The following KMT2C variants were observed in gnomAD, a reference collection of about 807,000 sequenced individuals.
The protein encoded by KMT2C is lysine methyltransferase 2C.
Under a neutral mutation model 507.9 loss-of-function variants are expected in KMT2C, and 88 were observed. That is an observed-to-expected ratio of 0.17 (90% CI 0.15 to 0.21). The LOEUF (loss-of-function observed/expected upper bound fraction) is 0.21, where lower values mean the gene tolerates loss of function less well. KMT2C is among the 10% of genes least tolerant of loss of function. The probability of loss-of-function intolerance (pLI) is 1.00; values close to 1 mark genes in which losing one functional copy is unlikely to be tolerated. For synonymous variants in KMT2C, 2,049 were observed against 2,080.8 expected, an observed-to-expected ratio of 0.98 and a Z score of 0.42; for missense variants, 4,954 against 5,957.8, an observed-to-expected ratio of 0.83 and a Z score of 5.55.
intron 31 of KMT2C, among the ~76,000 whole-genome samples, chr7:152,188,129 G>C (rs1386371025): frequency 6.6e-6 from 1 of 152,130 alleles, no homozygotes; most frequent in Non-Finnish European, 1.5e-5. Context: ...CAGAAGAGAT[G>C]CTTATACTTC....
chr7:152,280,009 G>C (rs1355169026), intron 6 of KMT2C, among the ~76,000 whole-genome samples: 1 of 152,308 alleles, frequency 6.6e-6, no homozygotes, highest in East Asian at 1.9e-4. Context: ...GAATTCTGCA[G>C]ATGTGATTAA....
At chr7:152,285,656 A>G (rs2096283785) in intron 6 of KMT2C, among the ~76,000 whole-genome samples, 1 of 152,242 alleles carries the variant, frequency 6.6e-6, no homozygotes, top group South Asian at 2.1e-4. Context: ...CCCTTGGAAA[A>G]AAAGCAGAAT....
At chr7:152,214,758 G>A (rs1415561371) in intron 23 of KMT2C, among the ~76,000 whole-genome samples, 1 of 152,062 alleles carries the variant, frequency 6.6e-6, no homozygotes, top group East Asian at 1.9e-4. Flanking sequence ...GGGGTGAGAA[G>A]CTGAACGTAT....
chr7:152,312,159 AAG>A, intron 4 of KMT2C: 2 of 357,568 alleles, frequency 5.6e-6, no homozygotes, highest in East Asian at 8.5e-5. Flanking sequence ...AAGTAAGAAA[AAG>A]AGTCTCCAAA....
At chr7:152,170,022 G>T (rs942128299) in intron 40 of KMT2C, among the ~76,000 whole-genome samples, 2 of 152,130 alleles carry the variant, frequency 1.3e-5, no homozygotes, top group Non-Finnish European at 2.9e-5. Flanking sequence ...CTTAACATGA[G>T]CTGTATACAA....
At chr7:152,325,080 T>C (rs2096814220) in intron 3 of KMT2C, among the ~76,000 whole-genome samples, 1 of 152,042 alleles carries the variant, frequency 6.6e-6, no homozygotes, top group Admixed American at 6.5e-5. Flanking sequence ...CCCTTTTCTG[T>C]CATTTATCTT....
At chr7:152,305,456 AG>A (rs1364919828) in intron 6 of KMT2C, among the ~76,000 whole-genome samples, 1 of 152,214 alleles carries the variant, frequency 6.6e-6, no homozygotes, top group Admixed American at 6.5e-5. Flanking sequence ...GCATGGCTGA[AG>A]GAAGTAAATG....
chr7:152,240,991 A>G (rs1274289920), intron 14 of KMT2C, among the ~76,000 whole-genome samples: 2 of 152,078 alleles, frequency 1.3e-5, no homozygotes, highest in African/African-American at 2.4e-5. Context: ...CAAACCTTCA[A>G]TTGCTTCTCA....
At chr7:152,170,054 C>G (rs2092894590) in intron 40 of KMT2C, among the ~76,000 whole-genome samples, 1 of 152,138 alleles carries the variant, frequency 6.6e-6, no homozygotes, top group African/African-American at 2.4e-5. Flanking sequence ...TAAACTTATA[C>G]TAGCAGCCAG....
intron 1 of KMT2C, chr7:152,368,067 G>A (rs1289401703): frequency 1.1e-6 from 1 of 877,768 alleles, no homozygotes; most frequent in Non-Finnish European, 2.0e-6. Context: ...TGCTAAAAAG[G>A]TAAAGGACTG....
At chr7:152,178,378 G>A (rs933306290) in intron 37 of KMT2C, among the ~76,000 whole-genome samples, 3 of 152,102 alleles carry the variant, frequency 2.0e-5, no homozygotes, top group African/African-American at 4.8e-5. Flanking sequence ...AGGGAGGTTC[G>A]ATGGAGGAAG....
chr7:152,324,543 G>T (rs1466089122), intron 3 of KMT2C, among the ~76,000 whole-genome samples: 5 of 151,768 alleles, frequency 3.3e-5, no homozygotes, highest in African/African-American at 1.2e-4. Context: ...GAGAAAATTG[G>T]TACAAGATGA....
At chr7:152,180,207 T>C (rs115626617) in intron 36 of KMT2C, 81 bp from the exon 37 acceptor site, 1 of 1,442,366 alleles carries the variant, frequency 6.9e-7, no homozygotes. Context: ...TATTTTTAGA[T>C]ATGGGATCTT....
At position 152,177,918 on chromosome 7, in the gene KMT2C, G is replaced by A. The variant is rs1339044634; in HGVS notation, c.7535C>T (p.Pro2512Leu). 1.9e-6 allele frequency: 3 copies of A among 1,609,952 alleles called. No individual in the cohort carries two copies. The highest frequency in any genetic ancestry group is 2.5e-6 in the Non-Finnish European group (3 of 1,179,440). The part of the protein sequence containing the change: ...PQQIQGSGVS[P>L]QLRRSVSVDM... The stretch of plus-strand genomic sequence containing the variant: ...TACAGATACTGATCTTCTTAGCTGT[G>A]GAGAAACTCCAGATCCCTGTATTTG... Residue 2512 changes from proline to leucine, a missense_variant, in exon 38 of 59, where the codon CCA (proline) becomes CTA (leucine). Transcript: ENST00000262189.
chr7:152,165,716 T>C lies in KMT2C; in HGVS notation c.9750+1430A>G, dbSNP rs569520925. 3.9e-5 allele frequency among the ~76,000 whole-genome samples: 6 copies of C among 152,254 alleles called. 1 individual carries two copies. The highest frequency in any genetic ancestry group is 1.4e-4 in the African/African-American group (6 of 41,534). ...TTTGTTTTGTTTTTGAGACAAGAGT[T>C]TTGCTCTTGTTGCCCAGGCTGGAGT... is the stretch of plus-strand genomic sequence containing the variant. On this transcript the variant is annotated intron_variant, in intron 42 of 58. Coordinates refer to ENST00000262189, the MANE Select transcript of KMT2C (RefSeq NM_170606.3).
At chr7:152,413,307 G>A (rs2097700922) in intron 1 of KMT2C, among the ~76,000 whole-genome samples, 1 of 152,008 alleles carries the variant, frequency 6.6e-6, no homozygotes, top group South Asian at 2.1e-4. Flanking sequence ...TAGAGACAGG[G>A]TTTTGTTATG....
At chr7:152,435,022 G>T (rs938790472) in intron 1 of KMT2C, among the ~76,000 whole-genome samples, 8 of 152,076 alleles carry the variant, frequency 5.3e-5, no homozygotes, top group African/African-American at 1.9e-4. Flanking sequence ...GTTGGGGGAG[G>T]GGGGAGGAAG....
rs1319272377 is a variant in KMT2C at position 152,138,235 on chromosome 7, G to A, written c.14643+561C>T. 2.0e-5 allele frequency: 3 copies of A among 152,594 alleles called. No individual in the cohort carries two copies. Among genetic ancestry groups the A allele is most frequent in the Admixed American group, 6.5e-5 (1 of 15,306 alleles). 9.5% of individuals were successfully genotyped at this position (152,594 alleles called of 1,614,324 possible). A position where few individuals can be genotyped will look rare whatever the true frequency, so the allele number is the denominator to read the frequency against. On this transcript the variant is annotated intron_variant, in intron 58 of 58. Coordinates refer to ENST00000262189, the MANE Select transcript of KMT2C (RefSeq NM_170606.3). This position sits in a 1 kb window ranked among gnomAD's most constrained non-coding sequence, Gnocchi z 4.2. ...GGACCAGAGTCACCTCTGAGAGCAC[G>A]GAGACAAACAGCAAGCTTGGCACTC...
intron 6 of KMT2C, among the ~76,000 whole-genome samples, chr7:152,289,052 G>A (rs1249875238): frequency 6.6e-6 from 1 of 152,304 alleles, no homozygotes; most frequent in Non-Finnish European, 1.5e-5. Flanking sequence ...GAACCAGAAA[G>A]GAGAATGATA....
Sources: gnomAD v4.1 joint callset for allele counts (sites outside exome capture counted in the v4.1 genomes callset) on GRCh38, gnomAD v4.1.1 for gene constraint, Gnocchi (gnomAD v3.1) non-coding constraint, MANE v1.5 for transcripts, NCBI Gene and HGNC (gene_info 2026-07-23, HGNC 2026-07-21) for gene names.